DCAF7: variants seen among roughly 807,000 people sequenced by gnomAD.
DCAF7 encodes DDB1 and CUL4 associated factor 7, also known as DDB1- and CUL4-associated factor 7.
Under a neutral mutation model 41.2 loss-of-function variants are expected in DCAF7, and 4 were observed. That is an observed-to-expected ratio of 0.10 (90% CI 0.05 to 0.22). The LOEUF is 0.22. Ranked by LOEUF, DCAF7 falls within the 10% of genes least tolerant of loss-of-function variation. DCAF7 has a pLI of 1.00. For synonymous variants in DCAF7, 143 were observed against 164.2 expected (o/e 0.87, Z 0.99); for missense variants, 131 against 443.2 (o/e 0.30, Z 6.32).
Position 63,557,014 on chromosome 17 carries a change from C to T in DCAF7, c.138+6199C>T, listed in dbSNP as rs564386341. 1.3e-4 allele frequency among the ~76,000 whole-genome samples: 20 copies of T among 152,104 alleles called. 1 individual carries two copies. Among genetic ancestry groups the T allele is most frequent in the East Asian group, 5.8e-4 (3 of 5,172 alleles). On this transcript the variant is annotated intron_variant, in intron 1 of 6. Transcript: ENST00000614556. ...CTGAACTCCCGCTGGGGTGACAGAG[C>T]GAGACCGCCATCTCAAAACCAAAAA...
Position 63,579,679 on chromosome 17 carries a change from G to T in DCAF7, c.410-146G>T, listed in dbSNP as rs8077278. 25,511 of 721,242 alleles carry T rather than the reference G, an allele frequency of 0.035. 4,250 individuals carry two copies. The African/African-American group carries it at 0.38, about 11-fold the overall frequency. The allele number at this position is 721,242 out of a possible 1,614,324, so 44.7% of individuals were successfully genotyped here. ...TGAGGACTGAAGACTTGACTGCCTC[G>T]GTGGCTCTGCCGGTAGCCCCCACCT... On this transcript the variant is annotated intron_variant, in intron 3 of 6. Transcript: ENST00000614556.
intron 4 of DCAF7, among the ~76,000 whole-genome samples, chr17:63,581,205 A>G (rs1390477782): frequency 1.3e-5 from 2 of 152,322 alleles, no homozygotes; most frequent in African/African-American, 4.8e-5. Flanking sequence ...AACTTCTGGA[A>G]ACCCTCTTGG....
intron 1 of DCAF7, among the ~76,000 whole-genome samples, chr17:63,551,502 C>A (rs1011770992): frequency 6.6e-6 from 1 of 151,990 alleles, no homozygotes; most frequent in Non-Finnish European, 1.5e-5. Flanking sequence ...AGTTGTGTGA[C>A]CTTTAGTAGT....
chr17:63,574,511 C>T (rs1407913578), intron 1 of DCAF7, among the ~76,000 whole-genome samples: 1 of 152,082 alleles, frequency 6.6e-6, no homozygotes, highest in Non-Finnish European at 1.5e-5. Context: ...AAGAGTTAAA[C>T]ATGGATGACA....
At chr17:63,551,418 C>T (rs2033253641) in intron 1 of DCAF7, among the ~76,000 whole-genome samples, 1 of 151,470 alleles carries the variant, frequency 6.6e-6, no homozygotes, top group Non-Finnish European at 1.5e-5. Context: ...TGGCCTGTGG[C>T]ATGATCCCGC....
At chr17:63,564,136 T>TACATACACACAC (rs372348109) in intron 1 of DCAF7, among the ~76,000 whole-genome samples, 1 of 147,972 alleles carries the variant, frequency 6.8e-6, no homozygotes, top group Non-Finnish European at 1.5e-5. Context: ...GTTAACTTTA[T>TACATACACACAC]ACACACACAC....
At chr17:63,563,814 C>CAAATAAATAAAT (rs138884947) in intron 1 of DCAF7, among the ~76,000 whole-genome samples, 1 of 148,624 alleles carries the variant, frequency 6.7e-6, no homozygotes, top group African/African-American at 2.5e-5. Context: ...GATTCTGTCT[C>CAAATAAATAAAT]AAATAAATAA....
intron 5 of DCAF7, among the ~76,000 whole-genome samples, chr17:63,584,467 G>A (rs8075426): frequency 0.15 from 21,185 of 137,712 alleles, 4,824 homozygotes; most frequent in African/African-American, 0.5. Context: ...GACTCCATCT[G>A]AAAAAAAAAA....
chr17:63,565,578 AAATAAT>A lies in DCAF7; in HGVS notation c.139-12880_139-12875del, dbSNP rs569519234. ...CAAAACTCTGTCTCAAAAAAATAAT[AAATAAT>A]AATAATAATAAAATGGAGCTTTGTG... On this transcript the variant is annotated intron_variant, in intron 1 of 6. Transcript: ENST00000614556. Among the ~76,000 whole-genome samples, 401 of 152,064 alleles carry A rather than the reference AAATAAT, an allele frequency of 2.6e-3. 1 individual carries two copies. Among genetic ancestry groups the A allele is most frequent in the African/African-American group, 5.3e-3 (219 of 41,464 alleles).
At chr17:63,574,823 A>G (rs1296558537) in intron 1 of DCAF7, among the ~76,000 whole-genome samples, 1 of 151,968 alleles carries the variant, frequency 6.6e-6, no homozygotes, top group East Asian at 1.9e-4. Flanking sequence ...AAATACAAAA[A>G]TTAGCTGGGT....
At chr17:63,571,848 C>CT (rs2033510403) in intron 1 of DCAF7, among the ~76,000 whole-genome samples, 1 of 151,952 alleles carries the variant, frequency 6.6e-6, no homozygotes, top group Non-Finnish European at 1.5e-5. Context: ...CTGGGCCTCA[C>CT]TTGACACTTA....
chr17:63,580,430 G>A (rs551219621), intron 4 of DCAF7, among the ~76,000 whole-genome samples: 1 of 151,482 alleles, frequency 6.6e-6, no homozygotes, highest in South Asian at 2.1e-4. Context: ...TGGCAGTGGA[G>A]GCAATGGAAT....
chr17:63,585,826 T>G (rs1156493739), intron 6 of DCAF7, among the ~76,000 whole-genome samples: 4 of 152,132 alleles, frequency 2.6e-5, no homozygotes, highest in Non-Finnish European at 4.4e-5. Flanking sequence ...AGACCAAAGC[T>G]AGCACCCCTT....
At chr17:63,558,514 TTAATG>T (rs557402472) in intron 1 of DCAF7, among the ~76,000 whole-genome samples, 193 of 152,328 alleles carry the variant, frequency 1.3e-3, no homozygotes, top group African/African-American at 4.5e-3. Flanking sequence ...GTCCCTAAAC[TTAATG>T]TAATCCCTGT....
intron 1 of DCAF7, among the ~76,000 whole-genome samples, chr17:63,561,309 A>G (rs1038408402): frequency 3.9e-5 from 6 of 152,352 alleles, no homozygotes; most frequent in Admixed American, 3.9e-4. Context: ...ATAAAAAGTC[A>G]TAAGTCTTTA....
chr17:63,559,054 G>A lies in DCAF7; in HGVS notation c.138+8239G>A, dbSNP rs142124687. ...AGGCCAGGCACAGTGGCTCACGCCT[G>A]TAATTCCAGCACTTTGGGAGGCGGG... On this transcript the variant is annotated intron_variant, in intron 1 of 6. Coordinates refer to ENST00000614556, the MANE Select transcript of DCAF7 (RefSeq NM_005828.5). 5.2e-3 allele frequency among the ~76,000 whole-genome samples: 783 copies of A among 152,004 alleles called. 3 individuals carry two copies. The highest frequency in any genetic ancestry group is 8.5e-3 in the Non-Finnish European group (577 of 67,980).
At chr17:63,588,959 C>T (rs2033706524) in intron 6 of DCAF7, 41 bp from the exon 7 acceptor site, 1 of 1,575,440 alleles carries the variant, frequency 6.3e-7, no homozygotes, top group Non-Finnish European at 8.7e-7. Flanking sequence ...ATCCGCATTG[C>T]CTCACTTGTG....
chr17:63,566,952 A>G (rs1325173139), intron 1 of DCAF7, among the ~76,000 whole-genome samples: 4 of 150,312 alleles, frequency 2.7e-5, no homozygotes, highest in African/African-American at 7.3e-5. Flanking sequence ...ATGCAAGTCT[A>G]TTTAAGCTTT....
At chr17:63,558,697 C>T (rs971985978) in intron 1 of DCAF7, among the ~76,000 whole-genome samples, 3 of 152,166 alleles carry the variant, frequency 2.0e-5, no homozygotes, top group Admixed American at 6.5e-5. Context: ...CTCAAACAGT[C>T]CTCCTGCCTG....
Sources: gnomAD v4.1 joint callset for allele counts (sites outside exome capture counted in the v4.1 genomes callset) on GRCh38, gnomAD v4.1.1 for gene constraint, MANE v1.5 for transcripts, NCBI Gene and HGNC (gene_info 2026-07-23, HGNC 2026-07-21) for gene names.